PCDHGA5: variants seen among roughly 807,000 people sequenced by gnomAD.
PCDHGA5 encodes protocadherin gamma-A5.
In PCDHGA5, 36 loss-of-function variants were observed where a neutral mutation model predicts 56.7. The observed-to-expected ratio is 0.64, with a 90% CI of 0.49 to 0.84. The LOEUF (loss-of-function observed/expected upper bound fraction) is 0.84. Ranked by LOEUF, PCDHGA5 falls within the 40% of genes least tolerant of loss-of-function variation. The pLI is 0.00. For missense variants in PCDHGA5, 1,305 were observed against 1,201.5 expected (o/e 1.09, Z -1.27); for synonymous variants, 563 against 520.2 (o/e 1.08, Z -1.12).
chr5:141,403,212 C>T (rs755734755), intron 1 of PCDHGA5: 8 of 1,613,834 alleles, frequency 5.0e-6, no homozygotes, highest in East Asian at 2.2e-5. Context: ...TTGGTCACCG[C>T]GGGTAGGATA....
intron 1 of PCDHGA5, chr5:141,400,097 A>G: frequency 6.2e-7 from 1 of 1,614,048 alleles, no homozygotes; most frequent in Non-Finnish European, 8.5e-7. Flanking sequence ...GCCACGCTGC[A>G]CTTGGTCTTT....
rs1228831823 is a variant in PCDHGA5, at chr5:141,487,778, T to C, written c.2422-7029T>C. ...GGTAGACGCTGTGCTTTGTAACTGT[T>C]TCGTGAATTAACCAGAGTTGTCACA... On this transcript the variant is annotated intron_variant, in intron 1 of 3. Coordinates refer to ENST00000518069, the MANE Select transcript of PCDHGA5 (RefSeq NM_018918.3). The surrounding 1 kb of genome is among the most constrained non-coding windows in gnomAD (Gnocchi z 5.0). The C allele has an allele frequency of 6.5e-7, 1 of 1,531,514 alleles. No individual in the cohort carries two copies. The highest frequency in any genetic ancestry group is 2.0e-5 in the Admixed American group (1 of 49,632). 94.9% of individuals were successfully genotyped at this position (1,531,514 alleles called of 1,614,324 possible).
intron 1 of PCDHGA5, chr5:141,392,164 A>C (rs2092476759): frequency 1.3e-5 from 2 of 152,244 alleles, no homozygotes; most frequent in African/African-American, 4.8e-5. Flanking sequence ...ACAATTTCTG[A>C]GTCAGTCATC....
In PCDHGA5 at chr5:141,435,388, G is replaced by T. The variant is rs186494703; in HGVS notation, c.2422-59419G>T. Among the ~76,000 whole-genome samples, 241 of 152,094 alleles carry T rather than the reference G, an allele frequency of 1.6e-3. 5 individuals carry two copies. Among genetic ancestry groups the T allele is most frequent in the Non-Finnish European group, 2.1e-4 (14 of 67,992 alleles). The stretch of plus-strand genomic sequence containing the variant: ...ACTTAAATATACAATATACCGTATT[G>T]CCATGACGAAAAATGGTAAAGACTA... On this transcript the variant is annotated intron_variant, in intron 1 of 3. Transcript: ENST00000518069.
chr5:141,365,680 C>T lies in PCDHGA5; in HGVS notation c.1350C>T (p.Pro450=). ...LKVADVNDNP[P]NFPQASYSTS... is the part of the protein sequence containing the mutation. ...TAGCAGACGTTAATGACAACCCACC[C>T]AATTTCCCTCAAGCCTCCTACTCCA... The change falls in exon 1 of 4, where the codon CCC becomes CCT. Residue 450 remains proline, a synonymous_variant. Coordinates refer to ENST00000518069, the MANE Select transcript of PCDHGA5 (RefSeq NM_018918.3). 6.2e-7 allele frequency: 1 copy of T among 1,613,514 alleles called. No homozygotes were observed. The highest frequency in any genetic ancestry group is 8.5e-7 in the Non-Finnish European group (1 of 1,179,792).
At chr5:141,444,692 T>G (rs531452351) in intron 1 of PCDHGA5, among the ~76,000 whole-genome samples, 1 of 152,360 alleles carries the variant, frequency 6.6e-6, no homozygotes, top group South Asian at 2.1e-4. Context: ...TTAAAAATAT[T>G]TTCCTCTTTC....
At chr5:141,423,508 A>G (rs962526072) in intron 1 of PCDHGA5, 2 of 1,613,860 alleles carry the variant, frequency 1.2e-6, no homozygotes, top group African/African-American at 2.7e-5. Context: ...GGTCTCTCTC[A>G]TTGCGGACTC....
Position 141,415,748 on chromosome 5 carries a change from T to G in PCDHGA5, c.2421+48997T>G, listed in dbSNP as rs1345423849. On this transcript the variant is annotated intron_variant, in intron 1 of 3. Transcript: ENST00000518069. ...ATTTGATGTTTATTAAGGTTTTTTT[T>G]TTTTTTTTTTTTTTTTTTTTTTTTA... is the stretch of plus-strand genomic sequence containing the variant. 87 of 1,008,904 alleles carry G rather than the reference T, an allele frequency of 8.6e-5. No individual in the cohort carries two copies. The Middle Eastern group carries it at 1.2e-3, about 13-fold the overall frequency. 62.5% of individuals were successfully genotyped at this position (1,008,904 alleles called of 1,614,324 possible).
intron 1 of PCDHGA5, among the ~76,000 whole-genome samples, chr5:141,373,662 T>C (rs1319235176): frequency 6.6e-6 from 1 of 152,246 alleles, no homozygotes; most frequent in Non-Finnish European, 1.5e-5. Context: ...GATATTTTCA[T>C]AAAAATGAAT....
At chr5:141,392,349 A>T (rs60903062) in intron 1 of PCDHGA5, 6,500 of 152,632 alleles carry the variant, frequency 0.043, 224 homozygotes, top group African/African-American at 0.093. Context: ...GAGTAATTTA[A>T]TCCGATGCTA....
chr5:141,503,781 G>A (rs1393561411), intron 2 of PCDHGA5, among the ~76,000 whole-genome samples: 1 of 152,110 alleles, frequency 6.6e-6, no homozygotes, highest in East Asian at 1.9e-4. Flanking sequence ...TTCTTAGGCT[G>A]AGTTCATCTA....
chr5:141,410,238 C>CA, intron 1 of PCDHGA5: 1 of 1,614,046 alleles, frequency 6.2e-7, no homozygotes, highest in Non-Finnish European at 8.5e-7. Context: ...AGCGACCGCC[C>CA]TGTACTCTCT....
intron 1 of PCDHGA5, among the ~76,000 whole-genome samples, chr5:141,472,935 A>G (rs1593400204): frequency 6.6e-6 from 1 of 150,778 alleles, no homozygotes; most frequent in East Asian, 1.9e-4. Context: ...GTGGTGAGCC[A>G]AGATTATGCC....
chr5:141,418,360 G>A (rs544948410), intron 1 of PCDHGA5: 3 of 1,613,990 alleles, frequency 1.9e-6, no homozygotes, highest in Non-Finnish European at 2.5e-6. Context: ...TGAATTCGCT[G>A]AGCAAATACC....
chr5:141,365,353 T>C lies in PCDHGA5; in HGVS notation c.1023T>C (p.Asn341=), dbSNP rs565922694. The change falls in exon 1 of 4, where the codon AAT becomes AAC. Residue 341 remains asparagine, a synonymous_variant. Coordinates refer to ENST00000518069, the MANE Select transcript of PCDHGA5 (RefSeq NM_018918.3). ...AKVVVTVQDV[N]DNAPEVILTS... ...TGGTGGTCACAGTACAGGACGTGAA[T>C]GACAATGCCCCCGAAGTGATCCTCA... 7.4e-6 allele frequency: 12 copies of C among 1,613,980 alleles called. No individual in the cohort carries two copies. In the African/African-American group the frequency reaches 1.3e-4, roughly 18 times the overall value.
chr5:141,469,855 G>T (rs1272105046), intron 1 of PCDHGA5, among the ~76,000 whole-genome samples: 4 of 152,186 alleles, frequency 2.6e-5, no homozygotes, highest in Non-Finnish European at 4.4e-5. Flanking sequence ...TTCAGACCGG[G>T]TGCAATGGCT....
intron 1 of PCDHGA5, chr5:141,422,655 C>G (rs188587553): frequency 1.2e-6 from 2 of 1,610,122 alleles, no homozygotes; most frequent in South Asian, 2.2e-5. Context: ...TCTCAGTGAC[C>G]GCCCTCGACC....
rs978973236 is a variant in PCDHGA5, at chr5:141,399,545, C to G, written c.2421+32794C>G. 8 of 1,614,050 alleles carry G rather than the reference C, an allele frequency of 5.0e-6. No homozygotes were observed. In the South Asian group the frequency reaches 6.6e-5, roughly 13 times the overall value. ...GCCTCCATCGCGCAAGTCTGCGCCT[C>G]GGACCTGGACTTGGGGTTGAACGGC... On this transcript the variant is annotated intron_variant, in intron 1 of 3. Transcript: ENST00000518069.
rs999250620 is a variant in PCDHGA5, at chr5:141,373,672, T to C, written c.2421+6921T>C. 5.3e-5 allele frequency among the ~76,000 whole-genome samples: 8 copies of C among 152,368 alleles called. No individual in the cohort carries two copies. The East Asian group carries it at 1.3e-3, about 26-fold the overall frequency. ...TAAGAGATATTTTCATAAAAATGAA[T>C]GGTAAACTTCAGAGAACATTTAAAA... On this transcript the variant is annotated intron_variant, in intron 1 of 3. Coordinates refer to ENST00000518069, the MANE Select transcript of PCDHGA5 (RefSeq NM_018918.3).
Sources: gnomAD v4.1 joint callset for allele counts (sites outside exome capture counted in the v4.1 genomes callset) on GRCh38, gnomAD v4.1.1 for gene constraint, Gnocchi (gnomAD v3.1) non-coding constraint, MANE v1.5 for transcripts, NCBI Gene and HGNC (gene_info 2026-07-23, HGNC 2026-07-21) for gene names.